Variants in PHLPP1 observed in about 807,000 individuals in gnomAD.
PHLPP1 encodes PH domain and leucine rich repeat protein phosphatase 1, also known as PH domain leucine-rich repeat-containing protein phosphatase 1.
In PHLPP1, 42 loss-of-function variants were observed where a neutral mutation model predicts 117.2. The observed-to-expected ratio is 0.36, with a 90% confidence interval of 0.28 to 0.46. The LOEUF (loss-of-function observed/expected upper bound fraction) is 0.46, where lower values mean the gene tolerates loss of function less well. Among genes scored for constraint, PHLPP1 ranks in the 20% least tolerant of loss-of-function variants. PHLPP1 has a pLI of 1.00. For missense variants in PHLPP1, 2,084 were observed against 2,241.9 expected (o/e 0.93, Z 1.42); for synonymous variants, 1,042 against 970.7 (o/e 1.07, Z -1.37).
intron 11 of PHLPP1, 62 bp from the exon 12 acceptor site, chr18:62,945,047 C>A (rs570634811): frequency 3.3e-6 from 4 of 1,215,876 alleles, no homozygotes; most frequent in Non-Finnish European, 4.4e-6. Flanking sequence ...CAATTTAATT[C>A]ATCCTTTGAT....
intron 5 of PHLPP1, 135 bp from the exon 6 acceptor site, chr18:62,895,646 G>GCC: frequency 1.6e-6 from 1 of 628,092 alleles, no homozygotes; most frequent in South Asian, 2.0e-5. Context: ...ATTGCCTCAG[G>GCC]CCCTGCCCTT....
intron 1 of PHLPP1, among the ~76,000 whole-genome samples, chr18:62,807,812 G>T (rs1479216370): frequency 6.6e-6 from 1 of 152,154 alleles, no homozygotes; most frequent in African/African-American, 2.4e-5. Flanking sequence ...CCTCTCTAGG[G>T]TACTTACTGT....
intron 1 of PHLPP1, among the ~76,000 whole-genome samples, chr18:62,739,958 G>A (rs765082944): frequency 2.6e-5 from 4 of 152,144 alleles, no homozygotes; most frequent in Non-Finnish European, 5.9e-5. Context: ...TGAATTTTTG[G>A]AGGATTGATC....
intron 1 of PHLPP1, among the ~76,000 whole-genome samples, chr18:62,734,093 G>T (rs1911300162): frequency 6.6e-6 from 1 of 152,162 alleles, no homozygotes; most frequent in Admixed American, 6.5e-5. Context: ...CAGTAGCCTA[G>T]AGTACACTGA....
At chr18:62,783,851 A>G (rs1359114923) in intron 1 of PHLPP1, among the ~76,000 whole-genome samples, 2 of 152,200 alleles carry the variant, frequency 1.3e-5, no homozygotes, top group Admixed American at 1.3e-4. Flanking sequence ...TACGGAATTT[A>G]TAGTTGACTT....
In PHLPP1 at chr18:62,976,207, T is replaced by C. The variant is rs1036250763; in HGVS notation, c.3984+582T>C. On this transcript the variant is annotated intron_variant, in intron 16 of 16. Transcript: ENST00000262719. ...CAACATATGGAGACATTTTTGGTCATCACAGCTGGGGCGGAGAGTGCAATT... is the reference window on the plus strand; with the variant it reads ...CAACATATGGAGACATTTTTGGTCACCACAGCTGGGGCGGAGAGTGCAATT... 9.2e-5 allele frequency among the ~76,000 whole-genome samples: 14 copies of C among 152,308 alleles called. No homozygotes were observed. The East Asian group carries it at 2.7e-3, about 29-fold the overall frequency.
intron 10 of PHLPP1, among the ~76,000 whole-genome samples, chr18:62,940,346 T>G (rs1024048841): frequency 6.9e-6 from 1 of 144,170 alleles, no homozygotes; most frequent in Non-Finnish European, 1.5e-5. Context: ...TTTCTTTTTC[T>G]TTCTTTTCTT....
intron 1 of PHLPP1, among the ~76,000 whole-genome samples, chr18:62,762,422 T>C (rs1239669545): frequency 6.8e-6 from 1 of 148,024 alleles, no homozygotes; most frequent in Non-Finnish European, 1.5e-5. Context: ...TATCTTTTTT[T>C]TTTTTTTTTT....
chr18:62,922,875 T>C (rs1457583095), intron 10 of PHLPP1, among the ~76,000 whole-genome samples: 2 of 152,224 alleles, frequency 1.3e-5, no homozygotes, highest in Non-Finnish European at 2.9e-5. Context: ...TTTTAGGGGA[T>C]TGTGGTGACT....
intron 1 of PHLPP1, among the ~76,000 whole-genome samples, chr18:62,728,742 C>T (rs894931012): frequency 9.9e-5 from 15 of 152,044 alleles, no homozygotes; most frequent in Non-Finnish European, 1.8e-4. Context: ...CTCCTGACTT[C>T]GTGATCTGCC....
At chr18:62,745,273 ATATT>A (rs1333168039) in intron 1 of PHLPP1, among the ~76,000 whole-genome samples, 1 of 152,152 alleles carries the variant, frequency 6.6e-6, no homozygotes, top group Non-Finnish European at 1.5e-5. Context: ...CTCCAGGAGA[ATATT>A]TAGTTTATCA....
At chr18:62,749,088 A>C (rs899998595) in intron 1 of PHLPP1, among the ~76,000 whole-genome samples, 1 of 152,168 alleles carries the variant, frequency 6.6e-6, no homozygotes, top group African/African-American at 2.4e-5. Flanking sequence ...ACTCGTCTTC[A>C]TTTGTAGGTG....
At chr18:62,813,808 C>T (rs1282369952) in intron 1 of PHLPP1, among the ~76,000 whole-genome samples, 2 of 152,104 alleles carry the variant, frequency 1.3e-5, no homozygotes, top group Non-Finnish European at 2.9e-5. Flanking sequence ...CTTCATTCAG[C>T]CTTTCCCTTT....
At chr18:62,903,696 G>A (rs1916780216) in intron 7 of PHLPP1, among the ~76,000 whole-genome samples, 2 of 151,798 alleles carry the variant, frequency 1.3e-5, no homozygotes, top group African/African-American at 2.4e-5. Flanking sequence ...CTGGAGCCCA[G>A]GAGGTGGAGG....
chr18:62,890,838 C>T (rs1247087337), intron 4 of PHLPP1, among the ~76,000 whole-genome samples: 2 of 151,978 alleles, frequency 1.3e-5, no homozygotes, highest in African/African-American at 4.8e-5. Flanking sequence ...GATTTTTTTT[C>T]TTCCTAGAGG....
intron 12 of PHLPP1, 102 bp downstream of exon 12, chr18:62,945,373 C>A (rs1910251164): frequency 4.2e-6 from 4 of 949,276 alleles, no homozygotes; most frequent in African/African-American, 1.7e-5. Context: ...TGGATTTATT[C>A]AGAATGAAGG....
At chr18:62,746,889 A>G (rs1911690920) in intron 1 of PHLPP1, among the ~76,000 whole-genome samples, 1 of 152,126 alleles carries the variant, frequency 6.6e-6, no homozygotes, top group South Asian at 2.1e-4. Flanking sequence ...TGGACCTGGT[A>G]GCCTTTAAAC....
chr18:62,805,345 A>G (rs1394275404), intron 1 of PHLPP1, among the ~76,000 whole-genome samples: 1 of 151,148 alleles, frequency 6.6e-6, no homozygotes, highest in African/African-American at 2.4e-5. Flanking sequence ...GGTTATACAT[A>G]TACAGTATAA....
chr18:62,862,329 C>T (rs1335609240), intron 4 of PHLPP1, among the ~76,000 whole-genome samples: 2 of 152,048 alleles, frequency 1.3e-5, no homozygotes, highest in Admixed American at 6.5e-5. Flanking sequence ...GATCCGCCCA[C>T]CTTGACCTCC....
Sources: allele counts gnomAD v4.1 joint callset (sites outside exome capture counted in the v4.1 genomes callset), GRCh38; gene constraint gnomAD v4.1.1; transcripts MANE v1.5; gene names NCBI Gene and HGNC (gene_info 2026-07-23, HGNC 2026-07-21).